The following FABP6 variants were observed in gnomAD, a reference collection of about 807,000 sequenced individuals.
FABP6 encodes the protein fatty acid binding protein 6, also known as gastrotropin.
A neutral mutation model predicts 14.9 loss-of-function variants in FABP6; 13 were observed. The ratio of observed to expected loss-of-function variants is 0.87; its 90% CI spans 0.57 to 1.39. FABP6 has a LOEUF of 1.39. Among genes scored for constraint, FABP6 ranks in the 40% most tolerant of loss-of-function variants. The pLI is 0.00. For synonymous variants in FABP6, 75 were observed against 63.6 expected (o/e 1.18, Z -0.85); for missense variants, 161 against 167.2 (o/e 0.96, Z 0.20).
upstream of FABP6, among the ~76,000 whole-genome samples, chr5:160,228,232 AAAT>A (rs558275674): frequency 2.8e-3 from 424 of 152,148 alleles, 3 homozygotes; most frequent in African/African-American, 9.9e-3. Flanking sequence ...TCTCTACTAA[AAAT>A]ACAAAATTAG....
chr5:160,193,216 G>T (rs1759434419), intron 1 of FABP6, among the ~76,000 whole-genome samples: 1 of 152,046 alleles, frequency 6.6e-6, no homozygotes, highest in African/African-American at 2.4e-5. Context: ...CGCTGGCTCA[G>T]GGGTGAAACT....
At chr5:160,223,011 C>G (rs1315281821) in intron 3 of FABP6, among the ~76,000 whole-genome samples, 1 of 152,132 alleles carries the variant, frequency 6.6e-6, no homozygotes, top group African/African-American at 2.4e-5. Flanking sequence ...GGATCTGGCT[C>G]TGTTGCCCAG....
intron 2 of FABP6, among the ~76,000 whole-genome samples, chr5:160,207,725 T>C (rs1167677903): frequency 4.3e-3 from 85 of 19,702 alleles, no homozygotes; most frequent in Non-Finnish European, 8.7e-3. Context: ...TTTACCTCCT[T>C]TTTTTTTTTT....
chr5:160,197,304 C>G (rs1236918573), intron 1 of FABP6: 1 of 152,280 alleles, frequency 6.6e-6, no homozygotes, highest in Non-Finnish European at 1.5e-5. Flanking sequence ...TAAGACTTCA[C>G]TTGAGACAGC....
At chr5:160,188,244 C>A (rs538735848) in intron 1 of FABP6, among the ~76,000 whole-genome samples, 2 of 152,224 alleles carry the variant, frequency 1.3e-5, no homozygotes, top group African/African-American at 4.8e-5. Flanking sequence ...CCTCTCCTCC[C>A]GATTCCTTAT....
intron 1 of FABP6, among the ~76,000 whole-genome samples, chr5:160,191,525 C>T (rs1230577264): frequency 1.3e-5 from 2 of 152,064 alleles, no homozygotes; most frequent in East Asian, 3.9e-4. Context: ...AGACCCTGCC[C>T]ATCTCTCTAC....
chr5:160,229,376 AG>A (rs1760318224), upstream of FABP6: 1 of 1,395,242 alleles, frequency 7.2e-7, no homozygotes, highest in Middle Eastern at 2.8e-4. Flanking sequence ...CTGTCCCTCC[AG>A]GTCCTGCCCA....
intron 3 of FABP6, among the ~76,000 whole-genome samples, chr5:160,235,798 GCTTT>G (rs1298318345): frequency 6.6e-6 from 1 of 151,290 alleles, no homozygotes; most frequent in Non-Finnish European, 1.5e-5. Flanking sequence ...TCTCATTCTC[GCTTT>G]CTTGTGCCCA....
upstream of FABP6, among the ~76,000 whole-genome samples, chr5:160,225,456 C>T (rs1210101226): frequency 7.5e-6 from 1 of 133,774 alleles, no homozygotes; most frequent in Non-Finnish European, 1.6e-5. Flanking sequence ...GGCTGGAGTG[C>T]AGTGGTGTGA....
chr5:160,227,873 T>C (rs1286905072), upstream of FABP6, among the ~76,000 whole-genome samples: 1 of 151,616 alleles, frequency 6.6e-6, no homozygotes, highest in Non-Finnish European at 1.5e-5. Context: ...TCTGTCTGCC[T>C]GTTAGACTAA....
Position 160,238,669 on chromosome 5 carries a change from C to A in FABP6, c.*10C>A, listed in dbSNP as rs999268885. 1.9e-6 allele frequency: 3 copies of A among 1,613,564 alleles called. No homozygotes were observed. Among genetic ancestry groups the A allele is most frequent in the Non-Finnish European group, 2.5e-6 (3 of 1,179,566 alleles). On this transcript the variant is annotated 3_prime_UTR_variant, in exon 4 of 4. Transcript: ENST00000402432. ...CAAGAGACTGGCCTAAGCAGCCAGG[C>A]CCGGCCCAGGGAGCTACAAACCCAC... is the stretch of plus-strand genomic sequence containing the variant.
intron 3 of FABP6, among the ~76,000 whole-genome samples, chr5:160,216,228 G>A (rs1195835245): frequency 2.0e-5 from 3 of 152,038 alleles, no homozygotes; most frequent in South Asian, 2.1e-4. Context: ...TACTTATTGA[G>A]TGAATGAAAT....
intron 2 of FABP6, among the ~76,000 whole-genome samples, chr5:160,233,412 C>A (rs1262466611): frequency 6.6e-6 from 1 of 152,172 alleles, no homozygotes; most frequent in Non-Finnish European, 1.5e-5. Flanking sequence ...AGTCATTTCA[C>A]TCCCCTGAGC....
At chr5:160,189,369 G>C (rs1759351186) in intron 1 of FABP6, among the ~76,000 whole-genome samples, 1 of 152,068 alleles carries the variant, frequency 6.6e-6, no homozygotes, top group African/African-American at 2.4e-5. Context: ...AGCCTCCCTA[G>C]TAGCTGGGAT....
intron 1 of FABP6, among the ~76,000 whole-genome samples, chr5:160,189,487 C>T (rs1862325): frequency 0.34 from 51,329 of 151,856 alleles, 9,324 homozygotes; most frequent in Non-Finnish European, 0.4. Context: ...AGGTGATCCA[C>T]CCACCTCAGT....
At chr5:160,212,106 G>C (rs1374195394) in intron 2 of FABP6, among the ~76,000 whole-genome samples, 1 of 150,910 alleles carries the variant, frequency 6.6e-6, no homozygotes, top group African/African-American at 2.4e-5. Context: ...TCCTGCCTCA[G>C]CTTCCTGAGT....
upstream of FABP6, among the ~76,000 whole-genome samples, chr5:160,226,433 C>T (rs902250279): frequency 1.3e-5 from 2 of 150,916 alleles, no homozygotes; most frequent in African/African-American, 4.9e-5. Flanking sequence ...TGATGGTGGG[C>T]ACCTGTAATC....
intron 1 of FABP6, among the ~76,000 whole-genome samples, chr5:160,187,704 A>G (rs1759314094): frequency 6.6e-6 from 1 of 152,068 alleles, no homozygotes; most frequent in Non-Finnish European, 1.5e-5. Context: ...GTTCCTCTCC[A>G]GCAACTGTTC....
At chr5:160,199,650 C>T (rs1376236705) in intron 2 of FABP6, among the ~76,000 whole-genome samples, 1 of 152,198 alleles carries the variant, frequency 6.6e-6, no homozygotes, top group Non-Finnish European at 1.5e-5. Context: ...CCCTACCTGG[C>T]ATCTCCCCCT....
Sources: gnomAD v4.1 joint callset for allele counts (sites outside exome capture counted in the v4.1 genomes callset) on GRCh38, gnomAD v4.1.1 for gene constraint, MANE v1.5 for transcripts, NCBI Gene and HGNC (gene_info 2026-07-23, HGNC 2026-07-21) for gene names.